The following ST6GAL2 variants were observed in gnomAD, a reference collection of about 807,000 sequenced individuals.
The protein encoded by ST6GAL2 is beta-galactoside alpha-2,6-sialyltransferase 2.
In ST6GAL2, 24 loss-of-function variants were observed where a neutral mutation model predicts 37.5. The observed-to-expected ratio is 0.64, with a 90% CI of 0.46 to 0.90. The LOEUF is 0.90. Ranked by LOEUF, ST6GAL2 falls within the 40% of genes least tolerant of loss-of-function variation. The probability of loss-of-function intolerance (pLI) is 0.00; values close to 1 mark genes in which losing one functional copy is unlikely to be tolerated. For synonymous variants in ST6GAL2, 306 were observed against 295.1 expected, an observed-to-expected ratio of 1.04 and a Z score of -0.38; for missense variants, 715 against 712.7, an observed-to-expected ratio of 1.00 and a Z score of -0.04.
chr2:106,871,977 G>C (rs185878460), intron 1 of ST6GAL2, among the ~76,000 whole-genome samples: 2 of 152,316 alleles, frequency 1.3e-5, no homozygotes, highest in Admixed American at 1.3e-4. Flanking sequence ...ATTATGCCCT[G>C]TATATAATTG....
At position 106,805,854 on chromosome 2, in the gene ST6GAL2, G is replaced by C. The variant is rs1283545467; in HGVS notation, c.*824C>G. The C allele has an allele frequency of 6.6e-6, 1 of 151,900 alleles. No individual in the cohort carries two copies. The highest frequency in any genetic ancestry group is 1.5e-5 in the Non-Finnish European group (1 of 68,006). 9.4% of individuals were successfully genotyped at this position (151,900 alleles called of 1,614,324 possible). On this transcript the variant is annotated 3_prime_UTR_variant, in exon 6 of 6. Transcript: ENST00000409382. ...AGATCTGCAGGTGAGGAGGTACAAG[G>C]CAGAAAAGCCAGAACCGGGGAGTGT...
At chr2:106,834,311 T>G (rs1347103981) in intron 2 of ST6GAL2, among the ~76,000 whole-genome samples, 165 bp from the exon 3 acceptor site, 1 of 152,216 alleles carries the variant, frequency 6.6e-6, no homozygotes, top group Non-Finnish European at 1.5e-5. Context: ...TCACTGAGAA[T>G]GAGATCTTGG....
chr2:106,875,624 A>G (rs928656577), intron 1 of ST6GAL2, among the ~76,000 whole-genome samples: 4 of 152,198 alleles, frequency 2.6e-5, no homozygotes, highest in African/African-American at 7.2e-5. Context: ...ATTTACATTC[A>G]TTGTTTCCAA....
upstream of ST6GAL2, chr2:106,887,140 C>A (rs1558741895): frequency 6.6e-6 from 1 of 152,402 alleles, no homozygotes; most frequent in Non-Finnish European, 1.5e-5. Flanking sequence ...CAACACCTCC[C>A]CCCGCCAGCG....
rs1199730543 is a variant in ST6GAL2 at position 106,803,860 on chromosome 2, CTA to C, written c.*2816_*2817del. ...TACTGTTAACTACTCCACAGAAGAA[CTA>C]TATGTTTATTGGAATTCAGTAAATG... On this transcript the variant is annotated 3_prime_UTR_variant, in exon 6 of 6. Transcript: ENST00000409382. The C allele has an allele frequency of 1.3e-5, 2 of 152,100 alleles. No homozygotes were observed. The highest frequency in any genetic ancestry group is 2.4e-5 in the African/African-American group (1 of 41,414). The allele number at this position is 152,100 out of a possible 1,614,324, so 9.4% of individuals were successfully genotyped here.
chr2:106,873,456 G>C (rs1678366164), intron 1 of ST6GAL2, among the ~76,000 whole-genome samples: 1 of 152,176 alleles, frequency 6.6e-6, no homozygotes, highest in Non-Finnish European at 1.5e-5. Flanking sequence ...CATTCGTTCT[G>C]GAACGGCCTT....
chr2:106,823,294 CT>C (rs1267135192), intron 5 of ST6GAL2: 1 of 151,980 alleles, frequency 6.6e-6, no homozygotes, highest in African/African-American at 2.4e-5. Flanking sequence ...TCAGCCGTGC[CT>C]ATGGGGTACT....
chr2:106,850,270 G>A (rs889704759), intron 1 of ST6GAL2, among the ~76,000 whole-genome samples: 18 of 152,274 alleles, frequency 1.2e-4, no homozygotes, highest in African/African-American at 3.6e-4. Flanking sequence ...AGGGGGCTGC[G>A]TTGGTGCCAG....
Position 106,865,800 on chromosome 2 carries a change from T to C in ST6GAL2, c.-58+20293A>G, listed in dbSNP as rs1016631835. ...ATGTGGGACTGGAATTCAGGCCTTA[T>C]ACTTTTATAAAATGGATTAGTTCTC... On this transcript the variant is annotated intron_variant, in intron 1 of 5. Coordinates refer to ENST00000409382, the MANE Select transcript of ST6GAL2 (RefSeq NM_001142351.2). 4.6e-5 allele frequency among the ~76,000 whole-genome samples: 7 copies of C among 152,340 alleles called. No individual in the cohort carries two copies. In the East Asian group the frequency reaches 7.7e-4, roughly 17 times the overall value.
At chr2:106,838,134 G>C (rs1168945338) in intron 2 of ST6GAL2, among the ~76,000 whole-genome samples, 2 of 152,002 alleles carry the variant, frequency 1.3e-5, no homozygotes, top group African/African-American at 2.4e-5. Flanking sequence ...TTCATATTTA[G>C]AAAAAAAGGA....
chr2:106,868,391 T>C, intron 1 of ST6GAL2, among the ~76,000 whole-genome samples: 1 of 152,210 alleles, frequency 6.6e-6, no homozygotes, highest in South Asian at 2.1e-4. Flanking sequence ...GGCTGCCCTC[T>C]ACAGCTTACA....
intron 1 of ST6GAL2, among the ~76,000 whole-genome samples, chr2:106,845,874 G>A (rs746453101): frequency 1.4e-4 from 21 of 152,102 alleles, no homozygotes; most frequent in Non-Finnish European, 2.4e-4. Flanking sequence ...ACCAGGCCCA[G>A]GTCTAGCATT....
At position 106,805,565 on chromosome 2, in the gene ST6GAL2, T is replaced by C. The variant is rs1178215399; in HGVS notation, c.*1113A>G. The C allele has an allele frequency of 6.6e-6, 1 of 152,212 alleles. No homozygotes were observed. The highest frequency in any genetic ancestry group is 1.5e-5 in the Non-Finnish European group (1 of 68,044). 9.4% of individuals were successfully genotyped at this position (152,212 alleles called of 1,614,324 possible). A position where few individuals can be genotyped will look rare whatever the true frequency, so the allele number is the denominator to read the frequency against. ...TGTCATGCTGCTGACATAAAACATA[T>C]CTGCAAAAGCAAGGACTGGATTCCT... On this transcript the variant is annotated 3_prime_UTR_variant, in exon 6 of 6. Coordinates refer to ENST00000409382, the MANE Select transcript of ST6GAL2 (RefSeq NM_001142351.2).
chr2:106,857,357 C>G (rs1249352487), intron 1 of ST6GAL2, among the ~76,000 whole-genome samples: 2 of 152,176 alleles, frequency 1.3e-5, no homozygotes. Context: ...AATCCCAGCA[C>G]TTTGGGAGGC....
chr2:106,856,064 C>T lies in ST6GAL2; in HGVS notation c.-57-12030G>A, dbSNP rs541119036. On this transcript the variant is annotated intron_variant, in intron 1 of 5. Coordinates refer to ENST00000409382, the MANE Select transcript of ST6GAL2 (RefSeq NM_001142351.2). ...GTTTCTTTACCTCTTTGCACCTTGG[C>T]TGCATCTTCTGTAAAATGAAGAGCA... Among the ~76,000 whole-genome samples the T allele has an allele frequency of 2.6e-5, 4 of 152,312 alleles. No individual in the cohort carries two copies. In the East Asian group the frequency reaches 5.8e-4, roughly 22 times the overall value.
At chr2:106,868,876 A>T (rs1678146359) in intron 1 of ST6GAL2, among the ~76,000 whole-genome samples, 1 of 152,178 alleles carries the variant, frequency 6.6e-6, no homozygotes, top group Non-Finnish European at 1.5e-5. Context: ...AAGAAAAAAA[A>T]ACCACTTATG....
intron 2 of ST6GAL2, among the ~76,000 whole-genome samples, chr2:106,836,872 G>T (rs1178795863): frequency 6.7e-6 from 1 of 149,602 alleles, no homozygotes; most frequent in Non-Finnish European, 1.5e-5. Flanking sequence ...TGAACCCAGG[G>T]GGCAGAGGTT....
Position 106,802,149 on chromosome 2 carries a change from T to C in ST6GAL2, c.*4529A>G, listed in dbSNP as rs1675278683. On this transcript the variant is annotated 3_prime_UTR_variant, in exon 6 of 6. Transcript: ENST00000409382. Reference sequence around the variant, plus strand: ...AGCCAAGATGTGCAGAGTATGAGTGTGTGGGAAGCGGTTGGCGGAGGACTG... The same window carrying C: ...AGCCAAGATGTGCAGAGTATGAGTGCGTGGGAAGCGGTTGGCGGAGGACTG... 1 of 152,148 alleles carries C rather than the reference T, an allele frequency of 6.6e-6. No individual in the cohort carries two copies. The highest frequency in any genetic ancestry group is 2.4e-5 in the African/African-American group (1 of 41,424). The allele number at this position is 152,148 out of a possible 1,614,324, so 9.4% of individuals were successfully genotyped here. A position where few individuals can be genotyped will look rare whatever the true frequency, so the allele number is the denominator to read the frequency against.
At chr2:106,842,290 CAT>C (rs1212125213) in intron 2 of ST6GAL2, among the ~76,000 whole-genome samples, 2 of 152,178 alleles carry the variant, frequency 1.3e-5, no homozygotes, top group Non-Finnish European at 2.9e-5. Flanking sequence ...AGCTGGGAAA[CAT>C]GTGCTCCAGG....
Sources: allele counts gnomAD v4.1 joint callset (sites outside exome capture counted in the v4.1 genomes callset), GRCh38; gene constraint gnomAD v4.1.1; transcripts MANE v1.5; gene names NCBI Gene and HGNC (gene_info 2026-07-23, HGNC 2026-07-21).